The following AGAP1 variants were observed in gnomAD, a reference collection of about 807,000 sequenced individuals.
AGAP1 encodes ArfGAP with GTPase domain, ankyrin repeat and PH domain 1.
AGAP1 carries 29 observed loss-of-function variants against 105.3 expected under a neutral mutation model. The observed-to-expected ratio is 0.28, with a 90% CI of 0.21 to 0.38. AGAP1 has a LOEUF of 0.38. Among genes scored for constraint, AGAP1 ranks in the 10% least tolerant of loss-of-function variants. The pLI is 1.00. For synonymous variants in AGAP1, 509 were observed against 485.9 expected, an observed-to-expected ratio of 1.05 and a Z score of -0.63; for missense variants, 998 against 1,165.1, an observed-to-expected ratio of 0.86 and a Z score of 2.09.
At position 236,036,475 on chromosome 2, in the gene AGAP1, C is replaced by T; in HGVS notation, c.1646-86C>T. ...CCGGTCCATGCAGGGGCAGCTGAAC[C>T]CAGAGGCGCTTCTGTGACAGAGGGC... On this transcript the variant is annotated intron_variant, in intron 13 of 17. Transcript: ENST00000304032. This position sits in a 1 kb window ranked among gnomAD's most constrained non-coding sequence, Gnocchi z 5.7. The T allele has an allele frequency of 1.9e-6, 3 of 1,544,626 alleles. No individual in the cohort carries two copies. The highest frequency in any genetic ancestry group is 2.6e-6 in the Non-Finnish European group (3 of 1,142,664).
intron 11 of AGAP1, among the ~76,000 whole-genome samples, chr2:235,918,191 T>C (rs2051995906): frequency 6.6e-6 from 1 of 152,234 alleles, no homozygotes; most frequent in South Asian, 2.1e-4. Context: ...ACATTGGATC[T>C]TGGTTACAAC....
At position 235,555,713 on chromosome 2, in the gene AGAP1, T is replaced by G. The variant is rs1006789634; in HGVS notation, c.163+60864T>G. 2.6e-5 allele frequency among the ~76,000 whole-genome samples: 4 copies of G among 152,336 alleles called. No individual in the cohort carries two copies. In the East Asian group the frequency reaches 7.7e-4, roughly 29 times the overall value. ...TTCTGCTTTGGCCTTGTCAGTCTCC[T>G]TCTGTGATTCAGACCGTAGTGAAGC... On this transcript the variant is annotated intron_variant, in intron 1 of 17. Transcript: ENST00000304032. This position sits in a 1 kb window ranked among gnomAD's most constrained non-coding sequence, Gnocchi z 5.1.
At chr2:235,603,036 G>A (rs140999301) in intron 1 of AGAP1, among the ~76,000 whole-genome samples, 2 of 152,236 alleles carry the variant, frequency 1.3e-5, no homozygotes, top group African/African-American at 2.4e-5. Flanking sequence ...TGGTTTGGCT[G>A]TGTCCCCACC....
In AGAP1 at chr2:235,741,710, ATTATTG is replaced by A. The variant is rs1319986120; in HGVS notation, c.396+665_396+670del. Among the ~76,000 whole-genome samples the A allele has an allele frequency of 6.7e-6, 1 of 148,662 alleles. No homozygotes were observed. The highest frequency in any genetic ancestry group is 2.5e-5 in the African/African-American group (1 of 39,232). Reference sequence around the variant, plus strand: ...GCACTTTATTATTATTGTTATTATTATTATTGTTGTTGTTGTTATTATTATTATTGT... The same window carrying A: ...GCACTTTATTATTATTGTTATTATTATTGTTGTTGTTATTATTATTATTGT... On this transcript the variant is annotated intron_variant, in intron 4 of 17. Transcript: ENST00000304032. The surrounding 1 kb of genome is among the most constrained non-coding windows in gnomAD (Gnocchi z 4.9).
In AGAP1 at chr2:236,080,380, A is replaced by G. The variant is rs2058750582; in HGVS notation, c.2114+31099A>G. The stretch of plus-strand genomic sequence containing the variant: ...ACCTCCATCTCAGTCTAGGAGGGAC[A>G]GCTAGGAGGAAATAAGGACGTCAGT... On this transcript the variant is annotated intron_variant, in intron 16 of 17. Coordinates refer to ENST00000304032, the MANE Select transcript of AGAP1 (RefSeq NM_001037131.3). This position sits in a 1 kb window ranked among gnomAD's most constrained non-coding sequence, Gnocchi z 4.2. Among the ~76,000 whole-genome samples the G allele has an allele frequency of 6.6e-6, 1 of 152,242 alleles. No individual in the cohort carries two copies. The highest frequency in any genetic ancestry group is 1.5e-5 in the Non-Finnish European group (1 of 68,050).
chr2:235,649,039 G>A (rs79716307), intron 1 of AGAP1, among the ~76,000 whole-genome samples: 6,375 of 152,296 alleles, frequency 0.042, 377 homozygotes, highest in African/African-American at 0.13. Context: ...AATGTGACTT[G>A]TGAGAACCCC....
At position 235,616,830 on chromosome 2, in the gene AGAP1, C is replaced by T. The variant is rs532794885; in HGVS notation, c.164-92349C>T. Reference sequence around the variant, plus strand: ...TTTTAAAAATCATTTTGTAGCCTAACACTTAGGAAACGTACTTTTTTGTTG... The same window carrying T: ...TTTTAAAAATCATTTTGTAGCCTAATACTTAGGAAACGTACTTTTTTGTTG... On this transcript the variant is annotated intron_variant, in intron 1 of 17. Transcript: ENST00000304032. Among the ~76,000 whole-genome samples the T allele has an allele frequency of 2.0e-5, 3 of 152,322 alleles. No individual in the cohort carries two copies. The South Asian group carries it at 6.2e-4, about 32-fold the overall frequency.
Position 235,754,841 on chromosome 2 carries a change from G to C in AGAP1, c.673+4353G>C, listed in dbSNP as rs906039054. On this transcript the variant is annotated intron_variant, in intron 6 of 17. Coordinates refer to ENST00000304032, the MANE Select transcript of AGAP1 (RefSeq NM_001037131.3). The surrounding 1 kb of genome is among the most constrained non-coding windows in gnomAD (Gnocchi z 4.6). ...CGTGAAGTTAAGGTCCACTAGGGAG[G>C]GTAAACATCAAACGGTCACCCAGAA... Among the ~76,000 whole-genome samples the C allele has an allele frequency of 3.9e-5, 6 of 152,206 alleles. No individual in the cohort carries two copies. The highest frequency in any genetic ancestry group is 1.4e-4 in the African/African-American group (6 of 41,440).
intron 1 of AGAP1, among the ~76,000 whole-genome samples, chr2:235,515,154 T>C (rs1942327407): frequency 6.6e-6 from 1 of 152,192 alleles, no homozygotes; most frequent in South Asian, 2.1e-4. Flanking sequence ...AAGTTGACTC[T>C]TTGGGTCCTT....
chr2:235,497,843 A>G lies in AGAP1; in HGVS notation c.163+2994A>G, dbSNP rs530648093. 4.6e-5 allele frequency among the ~76,000 whole-genome samples: 7 copies of G among 151,966 alleles called. No individual in the cohort carries two copies. In the South Asian group the frequency reaches 1.5e-3, roughly 32 times the overall value. Reference sequence around the variant, plus strand: ...CGTCTCCTAACCTCGTGATCCACCCACCTTGGCCTCCCAAAGTGCTGGGAT... The same window carrying G: ...CGTCTCCTAACCTCGTGATCCACCCGCCTTGGCCTCCCAAAGTGCTGGGAT... On this transcript the variant is annotated intron_variant, in intron 1 of 17. Coordinates refer to ENST00000304032, the MANE Select transcript of AGAP1 (RefSeq NM_001037131.3).
intron 16 of AGAP1, among the ~76,000 whole-genome samples, chr2:236,079,596 A>G (rs1217263229): frequency 6.6e-6 from 1 of 151,958 alleles, no homozygotes; most frequent in African/African-American, 2.4e-5. Context: ...ATATACATAT[A>G]CATACATACA....
At chr2:235,585,879 C>T (rs1004555281) in intron 1 of AGAP1, among the ~76,000 whole-genome samples, 3 of 152,080 alleles carry the variant, frequency 2.0e-5, no homozygotes, top group Non-Finnish European at 4.4e-5. Flanking sequence ...TTAATTGGAG[C>T]GCCTGGAGAG....
rs1160099566 is a variant in AGAP1 at position 235,750,092 on chromosome 2, T to G, written c.539-262T>G. Among the ~76,000 whole-genome samples, 1 of 152,218 alleles carries G rather than the reference T, an allele frequency of 6.6e-6. No homozygotes were observed. The highest frequency in any genetic ancestry group is 1.5e-5 in the Non-Finnish European group (1 of 68,040). Reference sequence around the variant, plus strand: ...AAGTATGTATCCTCTAGACCCATATTTAAGTCTTTTTCCTTCTTTCTGAAC... The same window carrying G: ...AAGTATGTATCCTCTAGACCCATATGTAAGTCTTTTTCCTTCTTTCTGAAC... On this transcript the variant is annotated intron_variant, in intron 5 of 17. Coordinates refer to ENST00000304032, the MANE Select transcript of AGAP1 (RefSeq NM_001037131.3). This position sits in a 1 kb window ranked among gnomAD's most constrained non-coding sequence, Gnocchi z 5.3.
intron 1 of AGAP1, among the ~76,000 whole-genome samples, chr2:235,592,038 C>T (rs926127846): frequency 1.3e-5 from 2 of 152,232 alleles, no homozygotes; most frequent in Non-Finnish European, 2.9e-5. Flanking sequence ...AATTACCCAG[C>T]CTCAGGCATT....
intron 6 of AGAP1, among the ~76,000 whole-genome samples, chr2:235,779,921 G>C (rs1956153969): frequency 6.6e-6 from 1 of 152,312 alleles, no homozygotes; most frequent in Non-Finnish European, 1.5e-5. Flanking sequence ...CTCGTGCTTG[G>C]AATGTACGCT....
At position 235,620,094 on chromosome 2, in the gene AGAP1, C is replaced by T. The variant is rs1309951155; in HGVS notation, c.164-89085C>T. Reference sequence around the variant, plus strand: ...CGGCCCCCAGGGACCTTCTTTGTCACAGCTGAAGCCCTCGCATGCTGGAGA... The same window carrying T: ...CGGCCCCCAGGGACCTTCTTTGTCATAGCTGAAGCCCTCGCATGCTGGAGA... On this transcript the variant is annotated intron_variant, in intron 1 of 17. Transcript: ENST00000304032. The surrounding 1 kb of genome is among the most constrained non-coding windows in gnomAD (Gnocchi z 4.5). Among the ~76,000 whole-genome samples, 2 of 152,194 alleles carry T rather than the reference C, an allele frequency of 1.3e-5. No homozygotes were observed. Among genetic ancestry groups the T allele is most frequent in the Admixed American group, 1.3e-4 (2 of 15,280 alleles).
rs1206541862 is a variant in AGAP1, at chr2:235,631,456, G to A, written c.164-77723G>A. ...GTGGGCCATCACTGCTGGTAGAGAG[G>A]GTTTCTGGGTCCCAGGACCGGACTG... is the stretch of plus-strand genomic sequence containing the variant. On this transcript the variant is annotated intron_variant, in intron 1 of 17. Coordinates refer to ENST00000304032, the MANE Select transcript of AGAP1 (RefSeq NM_001037131.3). This position sits in a 1 kb window ranked among gnomAD's most constrained non-coding sequence, Gnocchi z 5.4. 6.6e-6 allele frequency among the ~76,000 whole-genome samples: 1 copy of A among 152,196 alleles called. No homozygotes were observed. Among genetic ancestry groups the A allele is most frequent in the Non-Finnish European group, 1.5e-5 (1 of 68,038 alleles).
At chr2:235,873,100 CAG>C (rs999201468) in intron 9 of AGAP1, among the ~76,000 whole-genome samples, 1 of 152,204 alleles carries the variant, frequency 6.6e-6, no homozygotes, top group Non-Finnish European at 1.5e-5. Flanking sequence ...GGTGCTTATG[CAG>C]AGACTGCGGG....
intron 1 of AGAP1, among the ~76,000 whole-genome samples, chr2:235,519,995 T>G (rs2149048056): frequency 6.6e-6 from 1 of 152,300 alleles, no homozygotes; most frequent in African/African-American, 2.4e-5. Flanking sequence ...ATGTCCAGGC[T>G]GGTTTCGAAC....
Sources: gnomAD v4.1 joint callset for allele counts (sites outside exome capture counted in the v4.1 genomes callset) on GRCh38, gnomAD v4.1.1 for gene constraint, Gnocchi (gnomAD v3.1) non-coding constraint, MANE v1.5 for transcripts, NCBI Gene and HGNC (gene_info 2026-07-23, HGNC 2026-07-21) for gene names.